The following SLC10A7 variants were observed in gnomAD, a reference collection of about 807,000 sequenced individuals.
The protein encoded by SLC10A7 is solute carrier family 10 member 7, also known as sodium/bile acid cotransporter 7.
In SLC10A7, 29 loss-of-function variants were observed where a neutral mutation model predicts 43.2. The observed-to-expected ratio is 0.67, with a 90% CI of 0.50 to 0.92. The LOEUF (loss-of-function observed/expected upper bound fraction) is 0.92, where lower values mean the gene tolerates loss of function less well. Ranked by LOEUF, SLC10A7 falls within the 40% of genes least tolerant of loss-of-function variation. The pLI, the probability that SLC10A7 is intolerant of heterozygous loss-of-function variation, is 0.00. For missense variants in SLC10A7, 295 were observed against 403.2 expected (o/e 0.73, Z 2.30); for synonymous variants, 152 against 144.8 (o/e 1.05, Z -0.35).
intron 2 of SLC10A7, among the ~76,000 whole-genome samples, chr4:146,515,369 A>C (rs1339355049): frequency 6.6e-6 from 1 of 152,192 alleles, no homozygotes; most frequent in Non-Finnish European, 1.5e-5. Context: ...TTTCTGTATC[A>C]CTGTGCCCCA....
chr4:146,330,525 C>T (rs1160965809), intron 5 of SLC10A7, among the ~76,000 whole-genome samples: 1 of 152,170 alleles, frequency 6.6e-6, no homozygotes, highest in Non-Finnish European at 1.5e-5. Context: ...CTCTGTCTCC[C>T]TCACGTCCTT....
intron 5 of SLC10A7, among the ~76,000 whole-genome samples, chr4:146,431,804 A>G (rs1729797243): frequency 6.6e-6 from 1 of 152,160 alleles, no homozygotes; most frequent in South Asian, 2.1e-4. Flanking sequence ...TTTATCAAAA[A>G]TTTTGAACTT....
At chr4:146,310,979 G>A (rs1178993015) in intron 6 of SLC10A7, among the ~76,000 whole-genome samples, 1 of 150,528 alleles carries the variant, frequency 6.6e-6, no homozygotes, top group Admixed American at 6.6e-5. Context: ...GGGGGATGAG[G>A]GGAAGGGGAA....
At chr4:146,401,713 C>A (rs1217221232) in intron 5 of SLC10A7, among the ~76,000 whole-genome samples, 1 of 152,076 alleles carries the variant, frequency 6.6e-6, no homozygotes, top group Non-Finnish European at 1.5e-5. Context: ...TTCGAAATAC[C>A]ACTATCTTCC....
chr4:146,463,150 C>T (rs899408280), intron 4 of SLC10A7, among the ~76,000 whole-genome samples: 2 of 151,986 alleles, frequency 1.3e-5, no homozygotes, highest in Non-Finnish European at 2.9e-5. Flanking sequence ...CTCTAAAATG[C>T]AAGCGATGAA....
At chr4:146,473,134 A>G (rs1346651443) in intron 4 of SLC10A7, among the ~76,000 whole-genome samples, 1 of 152,216 alleles carries the variant, frequency 6.6e-6, no homozygotes, top group Non-Finnish European at 1.5e-5. Context: ...TAATCCAAGC[A>G]CATCCTAAGG....
intron 1 of SLC10A7, among the ~76,000 whole-genome samples, chr4:146,521,208 C>G (rs1318739574): frequency 6.8e-6 from 1 of 147,234 alleles, no homozygotes; most frequent in African/African-American, 2.5e-5. Flanking sequence ...TTTTCCTCCA[C>G]TTTTTTTTTT....
intron 5 of SLC10A7, among the ~76,000 whole-genome samples, chr4:146,396,289 A>G (rs763040201): frequency 6.6e-6 from 1 of 152,200 alleles, no homozygotes; most frequent in African/African-American, 2.4e-5. Context: ...CAACATGGAA[A>G]GAAACACAGA....
At chr4:146,308,848 T>C (rs186283753) in intron 6 of SLC10A7, among the ~76,000 whole-genome samples, 1 of 152,312 alleles carries the variant, frequency 6.6e-6, no homozygotes, top group Admixed American at 6.5e-5. Flanking sequence ...TTTACTATCC[T>C]ATGCTGAGAA....
rs539365192 is a variant in SLC10A7 at position 146,297,417 on chromosome 4, C to T, written c.556-3322G>A. On this transcript the variant is annotated intron_variant, in intron 7 of 11. Transcript: ENST00000335472. ...CCAAGTTGGAAACCTGTAAAAATGACATGTCTTAGGTGTAGAATGTTGATT... is the reference window on the plus strand; with the variant it reads ...CCAAGTTGGAAACCTGTAAAAATGATATGTCTTAGGTGTAGAATGTTGATT... Among the ~76,000 whole-genome samples the T allele has an allele frequency of 1.6e-4, 24 of 152,246 alleles. 1 individual carries two copies. The East Asian group carries it at 4.2e-3, about 27-fold the overall frequency.
At chr4:146,413,513 C>T (rs1728346958) in intron 5 of SLC10A7, among the ~76,000 whole-genome samples, 1 of 152,012 alleles carries the variant, frequency 6.6e-6, no homozygotes, top group Non-Finnish European at 1.5e-5. Context: ...AGTATTTTAC[C>T]TTCTAGCTGC....
At chr4:146,332,529 T>C (rs1484179874) in intron 5 of SLC10A7, among the ~76,000 whole-genome samples, 1 of 152,154 alleles carries the variant, frequency 6.6e-6, no homozygotes, top group Non-Finnish European at 1.5e-5. Flanking sequence ...TAGTACCTCC[T>C]ACCTTGCTCA....
At chr4:146,404,899 G>GT (rs1485651520) in intron 5 of SLC10A7, among the ~76,000 whole-genome samples, 6 of 152,104 alleles carry the variant, frequency 3.9e-5, no homozygotes, top group Admixed American at 2.6e-4. Flanking sequence ...TGACAGTTTT[G>GT]TTTGTACATT....
At chr4:146,521,539 G>A (rs925853842) in intron 1 of SLC10A7, 79 bp downstream of exon 1, 13 of 1,238,562 alleles carry the variant, frequency 1.0e-5, no homozygotes, top group African/African-American at 9.0e-5. Context: ...TGCAATGAGG[G>A]TTGCCCCACC....
At chr4:146,440,343 C>T (rs1730507043) in intron 5 of SLC10A7, among the ~76,000 whole-genome samples, 2 of 150,810 alleles carry the variant, frequency 1.3e-5, no homozygotes, top group Admixed American at 1.3e-4. Context: ...GAGTAGGGAG[C>T]TCTTTTTTCT....
At chr4:146,342,412 T>C (rs1734328071) in intron 5 of SLC10A7, among the ~76,000 whole-genome samples, 1 of 151,730 alleles carries the variant, frequency 6.6e-6, no homozygotes, top group African/African-American at 2.4e-5. Flanking sequence ...TTTTAATTTA[T>C]TAGAGAACAG....
chr4:146,455,626 C>T (rs186426462), intron 4 of SLC10A7, among the ~76,000 whole-genome samples: 5 of 151,888 alleles, frequency 3.3e-5, no homozygotes, highest in Admixed American at 2.0e-4. Context: ...GCTTTCCTAC[C>T]ATCTTCTGGG....
At chr4:146,393,630 T>A (rs1270389353) in intron 5 of SLC10A7, among the ~76,000 whole-genome samples, 1 of 152,198 alleles carries the variant, frequency 6.6e-6, no homozygotes, top group Non-Finnish European at 1.5e-5. Flanking sequence ...GTGCATGGCA[T>A]ACTGAGTAAT....
intron 5 of SLC10A7, among the ~76,000 whole-genome samples, chr4:146,415,333 C>T (rs1419099816): frequency 6.6e-6 from 1 of 152,176 alleles, no homozygotes; most frequent in Non-Finnish European, 1.5e-5. Context: ...GGACAAACCC[C>T]TTGAACTTTC....
Sources: allele counts gnomAD v4.1 joint callset (sites outside exome capture counted in the v4.1 genomes callset), GRCh38; gene constraint gnomAD v4.1.1; transcripts MANE v1.5; gene names NCBI Gene and HGNC (gene_info 2026-07-23, HGNC 2026-07-21).